The following ZCCHC14 variants were observed in gnomAD, a reference collection of about 807,000 sequenced individuals.
The protein encoded by ZCCHC14 is zinc finger CCHC domain-containing protein 14.
A neutral mutation model predicts 85.0 loss-of-function variants in ZCCHC14; 16 were observed. The ratio of observed to expected loss-of-function variants is 0.19; its 90% CI spans 0.13 to 0.29. The LOEUF is 0.29. ZCCHC14 is among the 10% of genes least tolerant of loss of function. The pLI, the probability that ZCCHC14 is intolerant of heterozygous loss-of-function variation, is 1.00. For synonymous variants in ZCCHC14, 775 were observed against 630.7 expected (o/e 1.23, Z -3.43); for missense variants, 1,303 against 1,443.5 (o/e 0.90, Z 1.58).
chr16:87,481,197 G>A (rs1912251974), intron 1 of ZCCHC14, among the ~76,000 whole-genome samples: 1 of 152,152 alleles, frequency 6.6e-6, no homozygotes, highest in Non-Finnish European at 1.5e-5. Flanking sequence ...CTAGACCTAG[G>A]TCAAGGTCAG....
In ZCCHC14 at chr16:87,408,622, G is replaced by C. The variant is rs1908305615; in HGVS notation, c.*1658C>G. 1 of 152,508 alleles carries C rather than the reference G, an allele frequency of 6.6e-6. No homozygotes were observed. The highest frequency in any genetic ancestry group is 1.5e-5 in the Non-Finnish European group (1 of 68,034). The allele number at this position is 152,508 out of a possible 1,614,324, so 9.4% of individuals were successfully genotyped here. ...AGAAGAGGTCTGTTAATTCTGCATT[G>C]CATAGAAATAAAATTCAACTAAAAT... On this transcript the variant is annotated 3_prime_UTR_variant, in exon 13 of 13. Transcript: ENST00000671377.
At chr16:87,450,426 T>A (rs545960465) in intron 2 of ZCCHC14, among the ~76,000 whole-genome samples, 2 of 152,356 alleles carry the variant, frequency 1.3e-5, no homozygotes, top group South Asian at 4.1e-4. Flanking sequence ...ACATGCAATG[T>A]TATACTTAAG....
chr16:87,464,614 G>A (rs752463000), intron 1 of ZCCHC14, among the ~76,000 whole-genome samples: 3 of 152,140 alleles, frequency 2.0e-5, no homozygotes, highest in Non-Finnish European at 2.9e-5. Flanking sequence ...AAGACAGGAA[G>A]GAAAACTCTT....
At chr16:87,410,439 G>C (rs547101856) in intron 12 of ZCCHC14, 104 bp from the exon 13 acceptor site, 2 of 571,394 alleles carry the variant, frequency 3.5e-6, no homozygotes, top group African/African-American at 3.9e-5. Context: ...AGATTCTGGT[G>C]CTGGAAATCT....
intron 2 of ZCCHC14, among the ~76,000 whole-genome samples, chr16:87,459,531 C>G (rs1037179198): frequency 7.0e-6 from 1 of 143,672 alleles, no homozygotes; most frequent in Non-Finnish European, 1.5e-5. Flanking sequence ...TTTTTTCAGA[C>G]GGAGTTTTGC....
chr16:87,458,326 C>T (rs1438881798), intron 2 of ZCCHC14, among the ~76,000 whole-genome samples: 4 of 152,116 alleles, frequency 2.6e-5, no homozygotes, highest in South Asian at 2.1e-4. Context: ...GCAATTCCGA[C>T]GCCAAGTGTC....
intron 1 of ZCCHC14, among the ~76,000 whole-genome samples, chr16:87,477,030 C>T (rs1383861411): frequency 2.8e-5 from 4 of 142,828 alleles, no homozygotes; most frequent in Non-Finnish European, 6.1e-5. Flanking sequence ...GAGGCTGAGG[C>T]GGGAGAATTG....
rs115776231 is a variant in ZCCHC14, at chr16:87,442,232, A to C, written c.695-9031T>G. Among the ~76,000 whole-genome samples the C allele has an allele frequency of 3.0e-3, 450 of 152,322 alleles. 2 individuals are homozygous for C. The highest frequency in any genetic ancestry group is 0.01 in the African/African-American group (433 of 41,584). ...GCAATGCCCCCAAAGGACGAGGCCA[A>C]ACAGCACCGCCACAGCTCGGAAAAT... On this transcript the variant is annotated intron_variant, in intron 2 of 12. Transcript: ENST00000671377.
rs552260924 is a variant in ZCCHC14 at position 87,408,531 on chromosome 16, C to A, written c.*1749G>T. Reference sequence around the variant, plus strand: ...CAATTTAAGAGATCAACGTAACATTCCCCTAAATAGCTGTTGTAATAAGCA... The same window carrying A: ...CAATTTAAGAGATCAACGTAACATTACCCTAAATAGCTGTTGTAATAAGCA... On this transcript the variant is annotated 3_prime_UTR_variant, in exon 13 of 13. Transcript: ENST00000671377. 9 of 152,710 alleles carry A rather than the reference C, an allele frequency of 5.9e-5. No homozygotes were observed. In the East Asian group the frequency reaches 1.7e-3, roughly 29 times the overall value. 9.5% of individuals were successfully genotyped at this position (152,710 alleles called of 1,614,324 possible).
At chr16:87,462,452 C>G (rs1911308397) in intron 1 of ZCCHC14, among the ~76,000 whole-genome samples, 1 of 152,126 alleles carries the variant, frequency 6.6e-6, no homozygotes, top group African/African-American at 2.4e-5. Flanking sequence ...ACAAGAAACA[C>G]AGCCAAGGCC....
intron 8 of ZCCHC14, among the ~76,000 whole-genome samples, chr16:87,416,348 T>C (rs1359804245): frequency 6.6e-6 from 1 of 152,222 alleles, no homozygotes; most frequent in East Asian, 1.9e-4. Flanking sequence ...CAGCCTCTAA[T>C]TTTCATGTTA....
chr16:87,476,574 A>G (rs1312197927), intron 1 of ZCCHC14, among the ~76,000 whole-genome samples: 1 of 152,052 alleles, frequency 6.6e-6, no homozygotes, highest in East Asian at 1.9e-4. Context: ...CAGTATCTAC[A>G]GTGTCATCTC....
chr16:87,456,232 T>A lies in ZCCHC14; in HGVS notation c.694+3776A>T, dbSNP rs567866673. On this transcript the variant is annotated intron_variant, in intron 2 of 12. Coordinates refer to ENST00000671377, the MANE Select transcript of ZCCHC14 (RefSeq NM_015144.3). ...GAAAGGCCACAGACTGTGGGCATTT[T>A]AGAATTTAGATTTTAGGGCTGGGCG... Among the ~76,000 whole-genome samples, 27 of 152,256 alleles carry A rather than the reference T, an allele frequency of 1.8e-4. No individual in the cohort carries two copies. The South Asian group carries it at 5.2e-3, about 29-fold the overall frequency.
intron 1 of ZCCHC14, among the ~76,000 whole-genome samples, chr16:87,465,950 G>T (rs78013598): frequency 0.031 from 4,739 of 152,130 alleles, 115 homozygotes; most frequent in East Asian, 0.098. Flanking sequence ...CACCGAGCCC[G>T]GTCTCCGCAA....
chr16:87,464,441 G>A (rs540173054), intron 1 of ZCCHC14, among the ~76,000 whole-genome samples: 285 of 152,224 alleles, frequency 1.9e-3, no homozygotes, highest in African/African-American at 6.4e-3. Flanking sequence ...CCATCATCCG[G>A]TCCAATCCCG....
Position 87,491,378 on chromosome 16 carries a change from G to A in ZCCHC14, c.570+291C>T, listed in dbSNP as rs775023834. On this transcript the variant is annotated intron_variant, in intron 1 of 12. Coordinates refer to ENST00000671377, the MANE Select transcript of ZCCHC14 (RefSeq NM_015144.3). The surrounding 1 kb of genome is among the most constrained non-coding windows in gnomAD (Gnocchi z 5.9). The stretch of plus-strand genomic sequence containing the variant: ...ACTTAGGGTGAGGAGTGCGGGCTTA[G>A]GATGGGGGCTTGGGATGTACGGCGG... Among the ~76,000 whole-genome samples the A allele has an allele frequency of 2.0e-5, 3 of 152,110 alleles. No homozygotes were observed. Among genetic ancestry groups the A allele is most frequent in the African/African-American group, 4.8e-5 (2 of 41,406 alleles).
chr16:87,465,494 C>T (rs1435558806), intron 1 of ZCCHC14, among the ~76,000 whole-genome samples: 3 of 152,200 alleles, frequency 2.0e-5, no homozygotes, highest in African/African-American at 4.8e-5. Flanking sequence ...GGGGCACACC[C>T]GCCCCTGGGG....
chr16:87,461,269 G>A (rs1355174260), intron 1 of ZCCHC14, among the ~76,000 whole-genome samples: 1 of 152,224 alleles, frequency 6.6e-6, no homozygotes, highest in Non-Finnish European at 1.5e-5. Context: ...GGCCCAGAGG[G>A]GCGAGAGGAG....
intron 2 of ZCCHC14, among the ~76,000 whole-genome samples, chr16:87,433,445 G>A (rs1411246629): frequency 6.6e-6 from 1 of 152,172 alleles, no homozygotes. Context: ...TGGAAGGGCA[G>A]GAACGGCACT....
Sources: allele counts gnomAD v4.1 joint callset (sites outside exome capture counted in the v4.1 genomes callset), GRCh38; gene constraint gnomAD v4.1.1; non-coding constraint Gnocchi (gnomAD v3.1); transcripts MANE v1.5; gene names NCBI Gene and HGNC (gene_info 2026-07-23, HGNC 2026-07-21).